QKI: variants seen among roughly 807,000 people sequenced by gnomAD.
QKI encodes the protein QKI, KH domain containing RNA binding, also known as KH domain-containing RNA-binding protein QKI.
A neutral mutation model predicts 39.0 loss-of-function variants in QKI; 10 were observed. The ratio of observed to expected loss-of-function variants is 0.26; its 90% CI spans 0.16 to 0.43. The LOEUF is 0.43. Ranked by LOEUF, QKI falls within the 20% of genes least tolerant of loss-of-function variation. The probability of loss-of-function intolerance (pLI) is 1.00; values close to 1 mark genes in which losing one functional copy is unlikely to be tolerated. For synonymous variants in QKI, 204 were observed against 155.4 expected, an observed-to-expected ratio of 1.31 and a Z score of -2.33; for missense variants, 218 against 428.0, an observed-to-expected ratio of 0.51 and a Z score of 4.33.
chr6:163,545,828 G>T (rs1781830487), intron 4 of QKI, among the ~76,000 whole-genome samples: 1 of 151,538 alleles, frequency 6.6e-6, no homozygotes, highest in African/African-American at 2.4e-5. Flanking sequence ...ATAGGGCCTA[G>T]GATATATTTA....
intron 3 of QKI, among the ~76,000 whole-genome samples, chr6:163,523,471 T>C (rs1273350319): frequency 1.3e-5 from 2 of 152,176 alleles, no homozygotes; most frequent in Non-Finnish European, 2.9e-5. Flanking sequence ...TTGGTAGATA[T>C]TTTAGGGAAG....
intron 3 of QKI, among the ~76,000 whole-genome samples, chr6:163,530,969 T>C (rs1011922633): frequency 6.6e-6 from 1 of 152,166 alleles, no homozygotes; most frequent in African/African-American, 2.4e-5. Flanking sequence ...ACATCGTCAT[T>C]TCAGTTTCTG....
At chr6:163,561,098 C>T (rs1782966204) in intron 4 of QKI, among the ~76,000 whole-genome samples, 1 of 152,154 alleles carries the variant, frequency 6.6e-6, no homozygotes, top group South Asian at 2.1e-4. Flanking sequence ...TGAAAGGAGA[C>T]AGGGATGGTG....
At chr6:163,549,744 G>A (rs138295604) in intron 4 of QKI, among the ~76,000 whole-genome samples, 1 of 152,138 alleles carries the variant, frequency 6.6e-6, no homozygotes, top group East Asian at 1.9e-4. Flanking sequence ...CATACTACAT[G>A]GTGTTCTTTA....
intron 3 of QKI, among the ~76,000 whole-genome samples, chr6:163,500,475 TACAATG>T (rs1189540496): frequency 2.0e-5 from 3 of 152,326 alleles, no homozygotes; most frequent in Middle Eastern, 3.4e-3. Context: ...TCTCTAAATA[TACAATG>T]TAATGTTTAT....
At position 163,547,130 on chromosome 6, in the gene QKI, T is replaced by A. The variant is rs574322571; in HGVS notation, c.546+12005T>A. Among the ~76,000 whole-genome samples the A allele has an allele frequency of 6.6e-5, 10 of 152,290 alleles. No individual in the cohort carries two copies. In the South Asian group the frequency reaches 2.1e-3, roughly 32 times the overall value. On this transcript the variant is annotated intron_variant, in intron 4 of 7. Transcript: ENST00000361752. ...TGACAGTAATTTATGAATTCTCCTG[T>A]CAATTTAAATAAAAATACTTTGATT... is the stretch of plus-strand genomic sequence containing the variant.
At chr6:163,495,135 G>A (rs1048540175) in intron 3 of QKI, among the ~76,000 whole-genome samples, 2 of 152,008 alleles carry the variant, frequency 1.3e-5, no homozygotes, top group South Asian at 2.1e-4. Flanking sequence ...CGCTGGTCTC[G>A]AACTCCTGAC....
rs529624186 is a variant in QKI at position 163,567,064 on chromosome 6, G to A, written c.1009+269G>A. On this transcript the variant is annotated intron_variant, in intron 7 of 7. Coordinates refer to ENST00000361752, the MANE Select transcript of QKI (RefSeq NM_006775.3). ...TAAAACATAAATTAGTCAATTTGGG[G>A]AGCTATTAAATTTTGATGTTGCCTC... is the stretch of plus-strand genomic sequence containing the variant. 6 of 1,083,476 alleles carry A rather than the reference G, an allele frequency of 5.5e-6. No homozygotes were observed. In the South Asian group the frequency reaches 1.9e-4, roughly 35 times the overall value. The allele number at this position is 1,083,476 out of a possible 1,614,324, so 67.1% of individuals were successfully genotyped here.
At chr6:163,477,693 G>A (rs988950995) in intron 2 of QKI, among the ~76,000 whole-genome samples, 2 of 152,062 alleles carry the variant, frequency 1.3e-5, no homozygotes, top group African/African-American at 2.4e-5. Flanking sequence ...AAATCCCCTC[G>A]GAGACTTTCT....
intron 3 of QKI, among the ~76,000 whole-genome samples, chr6:163,530,496 T>C (rs937151947): frequency 2.0e-5 from 3 of 152,216 alleles, no homozygotes; most frequent in Admixed American, 2.0e-4. Context: ...TATAATCTGC[T>C]TAAGAAACAG....
chr6:163,500,234 G>A (rs9365572), intron 3 of QKI, among the ~76,000 whole-genome samples: 119,606 of 152,052 alleles, frequency 0.79, 47,221 homozygotes, highest in East Asian at 1. Context: ...TAAGCAGAGG[G>A]ATGATATGAT....
chr6:163,559,976 T>C (rs1406968943), intron 4 of QKI, among the ~76,000 whole-genome samples: 1 of 152,108 alleles, frequency 6.6e-6, no homozygotes, highest in Non-Finnish European at 1.5e-5. Context: ...GGGGGGCAGT[T>C]AGTTCTATCT....
chr6:163,498,872 A>G (rs1478129776), intron 3 of QKI, among the ~76,000 whole-genome samples: 3 of 152,050 alleles, frequency 2.0e-5, no homozygotes, highest in Non-Finnish European at 2.9e-5. Context: ...GGGATCAGTA[A>G]TGTTTCAGAT....
intron 2 of QKI, among the ~76,000 whole-genome samples, chr6:163,461,290 C>A (rs969028824): frequency 4.6e-5 from 7 of 152,180 alleles, no homozygotes; most frequent in Non-Finnish European, 8.8e-5. Context: ...GAAAGGGTTA[C>A]AGGACAGTCT....
intron 1 of QKI, among the ~76,000 whole-genome samples, chr6:163,446,583 G>A (rs1371356508): frequency 6.6e-6 from 1 of 151,952 alleles, no homozygotes; most frequent in Non-Finnish European, 1.5e-5. Flanking sequence ...ATATAGATGG[G>A]GACTGGCTTC....
chr6:163,439,338 TTG>T lies in QKI; in HGVS notation c.143-15939_143-15938del, dbSNP rs370994575. Among the ~76,000 whole-genome samples the T allele has an allele frequency of 9.3e-3, 1,204 of 128,882 alleles. 10 individuals carry two copies. Among genetic ancestry groups the T allele is most frequent in the Non-Finnish European group, 0.014 (801 of 59,014 alleles). 84.6% of individuals were successfully genotyped at this position (128,882 alleles called of 152,430 possible). A position where few individuals can be genotyped will look rare whatever the true frequency, so the allele number is the denominator to read the frequency against. On this transcript the variant is annotated intron_variant, in intron 1 of 7. Coordinates refer to ENST00000361752, the MANE Select transcript of QKI (RefSeq NM_006775.3). ...TAGAATAATCCTTCGTGGTTTTTTTTTGTTTTTTTTTTTTTTCGGGGGGGTGG... is the reference window on the plus strand; with the variant it reads ...TAGAATAATCCTTCGTGGTTTTTTTTTTTTTTTTTTTTTTCGGGGGGGTGG...
chr6:163,564,601 C>G (rs1783239737), intron 6 of QKI: 1 of 1,609,852 alleles, frequency 6.2e-7, no homozygotes, highest in Non-Finnish European at 8.5e-7. Context: ...AATATAAACG[C>G]TTGGTTTTAC....
intron 3 of QKI, among the ~76,000 whole-genome samples, chr6:163,505,548 T>C (rs1779041249): frequency 6.6e-6 from 1 of 152,216 alleles, no homozygotes; most frequent in Admixed American, 6.5e-5. Flanking sequence ...AAGGAGATTT[T>C]GGAGCTTTAA....
At chr6:163,523,097 A>T (rs1231752379) in intron 3 of QKI, among the ~76,000 whole-genome samples, 1 of 152,126 alleles carries the variant, frequency 6.6e-6, no homozygotes, top group Non-Finnish European at 1.5e-5. Context: ...AGTAAGGCAG[A>T]CTGTATGTGG....
Sources: gnomAD v4.1 joint callset for allele counts (sites outside exome capture counted in the v4.1 genomes callset) on GRCh38, gnomAD v4.1.1 for gene constraint, MANE v1.5 for transcripts, NCBI Gene and HGNC (gene_info 2026-07-23, HGNC 2026-07-21) for gene names.